ECE1: variants seen among roughly 807,000 people sequenced by gnomAD.
The protein encoded by ECE1 is endothelin converting enzyme 1, also known as endothelin-converting enzyme 1.
ECE1 carries 35 observed loss-of-function variants against 98.6 expected under a neutral mutation model. The ratio of observed to expected loss-of-function variants is 0.35; its 90% CI spans 0.27 to 0.47. The LOEUF (loss-of-function observed/expected upper bound fraction) is 0.47, where lower values mean the gene tolerates loss of function less well. ECE1 is among the 20% of genes least tolerant of loss of function. The pLI, the probability that ECE1 is intolerant of heterozygous loss-of-function variation, is 1.00. For missense variants in ECE1, 814 were observed against 1,025.3 expected (o/e 0.79, Z 2.81); for synonymous variants, 394 against 407.1 (o/e 0.97, Z 0.39).
At position 21,256,108 on chromosome 1, in the gene ECE1, G is replaced by T. The variant is rs751515698; in HGVS notation, c.859C>A (p.Gln287Lys). The T allele has an allele frequency of 1.2e-6, 2 of 1,607,702 alleles. No individual in the cohort carries two copies. The highest frequency in any genetic ancestry group is 2.2e-5 in the South Asian group (2 of 90,956). ...CCGCCGCCCAGCAGCTTCCCCAGCTGGACCATGTAGTTCAGATATCCGGTC... is the reference window on the plus strand; with the variant it reads ...CCGCCGCCCAGCAGCTTCCCCAGCTTGACCATGTAGTTCAGATATCCGGTC... ...VLTGYLNYMV[Q>K]LGKLLGGGDE... Residue 287 changes from glutamine to lysine, a missense_variant, in exon 8 of 19, where the codon CAG becomes AAG. Coordinates refer to ENST00000374893, the MANE Select transcript of ECE1 (RefSeq NM_001397.3).
chr1:21,278,166 C>A (rs2098249690), intron 3 of ECE1, among the ~76,000 whole-genome samples: 1 of 152,228 alleles, frequency 6.6e-6, no homozygotes, highest in Non-Finnish European at 1.5e-5. Context: ...CATCTGCCAT[C>A]AGAAGAATAG....
Position 21,227,225 on chromosome 1 carries a change from C to A in ECE1, c.1783G>T (p.Ala595Ser), listed in dbSNP as rs778364115. 3.1e-6 allele frequency: 5 copies of A among 1,613,990 alleles called. No individual in the cohort carries two copies. The highest frequency in any genetic ancestry group is 3.4e-6 in the Non-Finnish European group (4 of 1,179,914). ...APFYTRSSPKALNFGGIGVVV... is the reference protein window; with the variant it reads ...APFYTRSSPKSLNFGGIGVVV... ...ACACCTATGCCACCAAAGTTTAAGGCCCTGGAGGGAAAGACACAAAGGTAG... is the reference window on the plus strand; with the variant it reads ...ACACCTATGCCACCAAAGTTTAAGGACCTGGAGGGAAAGACACAAAGGTAG... The change falls in exon 16 of 19, where the codon GCC becomes TCC. Residue 595 changes from alanine (A) to serine (S), a missense_variant and splice_region_variant. Physicochemically the swap from Ala to Ser is moderately conservative, Grantham distance 99 (BLOSUM62 1). Around this residue, in one of 3 missense-constraint regions of ECE1, gnomAD observed 452 missense variants for 567.3 expected, o/e 0.80. Coordinates refer to ENST00000374893, the MANE Select transcript of ECE1 (RefSeq NM_001397.3).
chr1:21,326,530 C>T (rs1006492045), intron 1 of ECE1, among the ~76,000 whole-genome samples: 1 of 151,698 alleles, frequency 6.6e-6, no homozygotes, highest in Non-Finnish European at 1.5e-5. Flanking sequence ...AAAAGGGGGG[C>T]CTGAACCCCA....
In ECE1 at chr1:21,233,727, A is replaced by G. The variant is rs888895665; in HGVS notation, c.1567-66T>C. 17 of 1,459,896 alleles carry G rather than the reference A, an allele frequency of 1.2e-5. No individual in the cohort carries two copies. The highest frequency in any genetic ancestry group is 1.6e-5 in the Non-Finnish European group (17 of 1,044,944). The allele number at this position is 1,459,896 out of a possible 1,614,324, so 90.4% of individuals were successfully genotyped here. On this transcript the variant is annotated intron_variant, in intron 13 of 18. Transcript: ENST00000374893. This position sits in a 1 kb window ranked among gnomAD's most constrained non-coding sequence, Gnocchi z 4.0. ...GTGGTGTGCATCTTCCAAGACAGGA[A>G]GCCAAGGGCTGTCATGGTTAAGAGA...
At chr1:21,236,883 T>A in intron 11 of ECE1, 39 bp from the exon 12 acceptor site, 5 of 1,567,938 alleles carry the variant, frequency 3.2e-6, no homozygotes, top group Non-Finnish European at 4.4e-6. Context: ...GTCTGCGCAC[T>A]GGTCTCAGGT....
At chr1:21,262,038 G>A (rs558632077) in intron 4 of ECE1, among the ~76,000 whole-genome samples, 1 of 152,260 alleles carries the variant, frequency 6.6e-6, no homozygotes, top group South Asian at 2.1e-4. Flanking sequence ...AGAGCTCCCT[G>A]CCCCCCGATC....
At chr1:21,243,761 G>A (rs575440109) in intron 10 of ECE1, among the ~76,000 whole-genome samples, 2 of 152,364 alleles carry the variant, frequency 1.3e-5, no homozygotes, top group South Asian at 4.1e-4. Context: ...CCAGTCCAAG[G>A]TAGATGCAGG....
At chr1:21,289,607 G>A (rs954457311) in intron 2 of ECE1, among the ~76,000 whole-genome samples, 8 of 152,210 alleles carry the variant, frequency 5.3e-5, no homozygotes, top group African/African-American at 1.9e-4. Flanking sequence ...CTGCCTCCCG[G>A]ATAAGGTGAC....
chr1:21,263,693 G>A (rs2098230068), intron 4 of ECE1, among the ~76,000 whole-genome samples: 1 of 152,066 alleles, frequency 6.6e-6, no homozygotes, highest in Non-Finnish European at 1.5e-5. Context: ...CGGGCAGGTG[G>A]GGCAGGAGTG....
At chr1:21,320,504 G>A (rs126686) in intron 1 of ECE1, among the ~76,000 whole-genome samples, 72,170 of 152,070 alleles carry the variant, frequency 0.47, 18,331 homozygotes, top group African/African-American at 0.67. Flanking sequence ...CTAAAAATAA[G>A]TAGAAAATTC....
chr1:21,321,258 C>T (rs1338930943), intron 1 of ECE1, among the ~76,000 whole-genome samples: 6 of 152,192 alleles, frequency 3.9e-5, no homozygotes, highest in Non-Finnish European at 8.8e-5. Flanking sequence ...CCCATATAAA[C>T]AACCCTAACA....
At position 21,225,266 on chromosome 1, in the gene ECE1, A is replaced by G; in HGVS notation, c.2024T>C (p.Leu675Pro). Reference protein sequence around the residue: ...LGENIADNGGLKAAYRAYQNW... With the variant: ...LGENIADNGGPKAAYRAYQNW... ...GGCTCTCACCCGATAGGCCGCCTTG[A>G]GACCCCCGTTGTCGGCGATGTTCTC... The change falls in exon 17 of 19, where the codon CTC (leucine) becomes CCC (proline). Residue 675 changes from leucine (L) to proline (P), a missense_variant. By Grantham distance (98) the Leu-to-Pro change is moderately conservative. Around this residue, in one of 3 missense-constraint regions of ECE1, gnomAD observed 452 missense variants for 567.3 expected, o/e 0.80. Coordinates refer to ENST00000374893, the MANE Select transcript of ECE1 (RefSeq NM_001397.3). The surrounding 1 kb of genome is among the most constrained non-coding windows in gnomAD (Gnocchi z 5.3). The G allele has an allele frequency of 6.2e-7, 1 of 1,614,134 alleles. No homozygotes were observed. The highest frequency in any genetic ancestry group is 8.5e-7 in the Non-Finnish European group (1 of 1,180,032).
At chr1:21,249,832 G>A (rs2098209896) in intron 8 of ECE1, among the ~76,000 whole-genome samples, 1 of 152,062 alleles carries the variant, frequency 6.6e-6, no homozygotes, top group Admixed American at 6.6e-5. Flanking sequence ...GGAGTGCAGT[G>A]GTGCGATCTC....
intron 2 of ECE1, among the ~76,000 whole-genome samples, chr1:21,280,532 G>A (rs1026287351): frequency 6.6e-6 from 1 of 152,190 alleles, no homozygotes; most frequent in African/African-American, 2.4e-5. Flanking sequence ...CAGGTTAAGA[G>A]CCTGGACTTC....
chr1:21,318,317 A>G (rs1283238914), intron 1 of ECE1, among the ~76,000 whole-genome samples: 2 of 152,166 alleles, frequency 1.3e-5, no homozygotes, highest in Non-Finnish European at 2.9e-5. Context: ...TCCAGGGCAC[A>G]GCTTGGGGAG....
Position 21,257,483 on chromosome 1 carries a change from AC to A in ECE1, c.828+41del. On this transcript the variant is annotated intron_variant, in intron 7 of 18. Coordinates refer to ENST00000374893, the MANE Select transcript of ECE1 (RefSeq NM_001397.3). ...TGGGTGTGGACACGGAGCAGGAAGG[AC>A]CGTGCTGGGAGGCAGGCTGGGAGGG... is the stretch of plus-strand genomic sequence containing the variant. The A allele has an allele frequency of 2.5e-6, 4 of 1,606,236 alleles. No homozygotes were observed. In the South Asian group the frequency reaches 4.4e-5, roughly 18 times the overall value.
At chr1:21,221,964 G>T in intron 17 of ECE1, 122 bp from the exon 18 acceptor site, 2 of 886,500 alleles carry the variant, frequency 2.3e-6, no homozygotes, top group Non-Finnish European at 1.9e-6. Flanking sequence ...GGGGATCTGG[G>T]CCTGGGCTCA....
intron 14 of ECE1, among the ~76,000 whole-genome samples, chr1:21,232,623 A>G (rs1475724697): frequency 6.6e-6 from 1 of 151,686 alleles, no homozygotes; most frequent in Non-Finnish European, 1.5e-5. Flanking sequence ...TAAAAAGGAC[A>G]AAGACCAGGT....
At chr1:21,286,921 A>T (rs2098261179) in intron 2 of ECE1, among the ~76,000 whole-genome samples, 1 of 150,116 alleles carries the variant, frequency 6.7e-6, no homozygotes, top group African/African-American at 2.5e-5. Flanking sequence ...GTCTCAAAAA[A>T]AAGAAAAAAA....
Sources: gnomAD v4.1 joint callset for allele counts (sites outside exome capture counted in the v4.1 genomes callset) on GRCh38, gnomAD v4.1.1 for gene constraint, gnomAD v4.1.1 regional missense constraint, Gnocchi (gnomAD v3.1) non-coding constraint, MANE v1.5 for transcripts, NCBI Gene and HGNC (gene_info 2026-07-23, HGNC 2026-07-21) for gene names.